The following SLC38A7 variants were observed in gnomAD, a reference collection of about 807,000 sequenced individuals.
The protein encoded by SLC38A7 is sodium-coupled neutral amino acid transporter 7.
SLC38A7 carries 29 observed loss-of-function variants against 50.1 expected under a neutral mutation model. The observed-to-expected ratio is 0.58, with a 90% CI of 0.43 to 0.79. The LOEUF is 0.79. Among genes scored for constraint, SLC38A7 ranks in the 30% least tolerant of loss-of-function variants. The pLI is 0.00. For synonymous variants in SLC38A7, 244 were observed against 245.9 expected (o/e 0.99, Z 0.07); for missense variants, 483 against 610.6 (o/e 0.79, Z 2.20).
In SLC38A7 at chr16:58,666,938, G is replaced by C. The variant is rs530243929; in HGVS notation, c.*447C>G. 3 of 181,224 alleles carry C rather than the reference G, an allele frequency of 1.7e-5. No individual in the cohort carries two copies. In the Admixed American group the frequency reaches 1.8e-4, roughly 11 times the overall value. The allele number at this position is 181,224 out of a possible 1,614,324, so 11.2% of individuals were successfully genotyped here. A position where few individuals can be genotyped will look rare whatever the true frequency, so the allele number is the denominator to read the frequency against. On this transcript the variant is annotated 3_prime_UTR_variant, in exon 12 of 12. Coordinates refer to ENST00000219320, the MANE Select transcript of SLC38A7 (RefSeq NM_018231.3). ...CAGTGCTACCGTTGGAAGTGGCCAG[G>C]CTCCTGAGGAAGCTACCACTGGCCT...
chr16:58,669,349 G>C (rs928599970), intron 11 of SLC38A7, among the ~76,000 whole-genome samples: 1 of 147,824 alleles, frequency 6.8e-6, no homozygotes, highest in African/African-American at 2.5e-5. Flanking sequence ...TCCTGACCTC[G>C]GGTGATCTGC....
At chr16:58,670,192 G>C (rs377523620) in intron 10 of SLC38A7, 25 bp from the exon 11 acceptor site, 26 of 1,613,192 alleles carry the variant, frequency 1.6e-5, no homozygotes, top group East Asian at 1.6e-4. Context: ...GTGGCCCTGA[G>C]CATTTGTGAG....
At chr16:58,680,732 C>T (rs1051662435) in intron 2 of SLC38A7, among the ~76,000 whole-genome samples, 9 of 152,208 alleles carry the variant, frequency 5.9e-5, no homozygotes, top group South Asian at 2.1e-4. Context: ...CAACATATTA[C>T]AGTCCAGCAC....
intron 2 of SLC38A7, among the ~76,000 whole-genome samples, chr16:58,681,223 A>G (rs4784967): frequency 0.15 from 23,003 of 152,156 alleles, 2,005 homozygotes; most frequent in African/African-American, 0.24. Flanking sequence ...TGAATCCCAG[A>G]GGGGATAACC....
chr16:58,682,620 C>G (rs2044414292), intron 2 of SLC38A7, among the ~76,000 whole-genome samples: 1 of 151,590 alleles, frequency 6.6e-6, no homozygotes, highest in Admixed American at 6.6e-5. Context: ...CCACCACAGC[C>G]AGCTAACTTT....
rs370638616 is a variant in SLC38A7 at position 58,678,935 on chromosome 16, G to A, written c.271-41C>T. 6.3e-7 allele frequency: 1 copy of A among 1,589,850 alleles called. No individual in the cohort carries two copies. Reference sequence around the variant, plus strand: ...GAACAAGAGCTTGTGGCAAAGGCCTGGCAGCAGAGGGCACCCTGGGCTCGC... The same window carrying A: ...GAACAAGAGCTTGTGGCAAAGGCCTAGCAGCAGAGGGCACCCTGGGCTCGC... On this transcript the variant is annotated intron_variant, in intron 3 of 11. Transcript: ENST00000219320. This position sits in a 1 kb window ranked among gnomAD's most constrained non-coding sequence, Gnocchi z 4.0.
At chr16:58,682,496 G>A (rs2044412864) in intron 2 of SLC38A7, among the ~76,000 whole-genome samples, 1 of 152,062 alleles carries the variant, frequency 6.6e-6, no homozygotes, top group African/African-American at 2.4e-5. Context: ...GTATCACTCT[G>A]TTGCCCAGGC....
chr16:58,669,970 G>A (rs1256113118), intron 11 of SLC38A7, 143 bp downstream of exon 11: 13 of 703,268 alleles, frequency 1.8e-5, no homozygotes, highest in East Asian at 1.2e-4. Context: ...GCGAGACTCC[G>A]GCTCAAAAAA....
intron 3 of SLC38A7, chr16:58,679,637 T>C (rs1318801475): frequency 6.9e-6 from 4 of 577,724 alleles, no homozygotes; most frequent in African/African-American, 1.9e-5. Context: ...AAATTAGAGA[T>C]GTAATTGATG....
At position 58,675,948 on chromosome 16, in the gene SLC38A7, A is replaced by G; in HGVS notation, c.875T>C (p.Met292Thr). 2 of 1,610,648 alleles carry G rather than the reference A, an allele frequency of 1.2e-6. No homozygotes were observed. Among genetic ancestry groups the G allele is most frequent in the Non-Finnish European group, 8.5e-7 (1 of 1,178,404 alleles). ...AAMVIALAVYMGTGICGFLTF... is the reference protein window; with the variant it reads ...AAMVIALAVYTGTGICGFLTF... ...GGGGGGGGAGCACTCACCTGTCCCC[A>G]TGTAGACAGCGAGGGCTATGACCAT... Residue 292 changes from methionine (M) to threonine (T), a missense_variant, in exon 8 of 12, where the codon ATG (methionine) becomes ACG (threonine). Physicochemically the swap from Met to Thr is moderately conservative, Grantham distance 81 (BLOSUM62 -1). Coordinates refer to ENST00000219320, the MANE Select transcript of SLC38A7 (RefSeq NM_018231.3).
At chr16:58,669,378 G>C (rs1366347547) in intron 11 of SLC38A7, among the ~76,000 whole-genome samples, 2 of 152,010 alleles carry the variant, frequency 1.3e-5, no homozygotes, top group African/African-American at 4.8e-5. Flanking sequence ...GCCTCCCAAA[G>C]TGCTGGGATT....
intron 8 of SLC38A7, among the ~76,000 whole-genome samples, chr16:58,674,697 C>T (rs1271263391): frequency 6.6e-6 from 1 of 151,968 alleles, no homozygotes; most frequent in African/African-American, 2.4e-5. Context: ...TTTCTGTCTC[C>T]CCAGCCAGGA....
chr16:58,682,724 C>T (rs183779642), intron 2 of SLC38A7, among the ~76,000 whole-genome samples: 5 of 152,134 alleles, frequency 3.3e-5, no homozygotes, highest in East Asian at 1.9e-4. Flanking sequence ...CTCTGCCTCC[C>T]GGGTTCAAGA....
chr16:58,680,833 C>T (rs2044374453), intron 2 of SLC38A7, among the ~76,000 whole-genome samples: 1 of 152,186 alleles, frequency 6.6e-6, no homozygotes, highest in Non-Finnish European at 1.5e-5. Context: ...TGTGACAAGC[C>T]CCCATGCCTG....
intron 7 of SLC38A7, 53 bp downstream of exon 7, chr16:58,676,236 C>T: frequency 1.2e-6 from 2 of 1,612,792 alleles, no homozygotes; most frequent in Non-Finnish European, 1.7e-6. Context: ...GGTTCCATCC[C>T]AGGGTGGGGT....
intron 11 of SLC38A7, among the ~76,000 whole-genome samples, chr16:58,669,907 G>A (rs536005643): frequency 7.2e-4 from 109 of 151,870 alleles, no homozygotes; most frequent in African/African-American, 2.5e-3. Context: ...CCCAGGAGGC[G>A]GAGCTTGCAG....
chr16:58,680,240 A>C lies in SLC38A7; in HGVS notation c.-114T>G. ...GGCTGTTAGCTTAGGACTCTTCTCA[A>C]CCTAGATGGGACAAAGGCAGGCACT... On this transcript the variant is annotated splice_region_variant and 5_prime_UTR_variant, in exon 3 of 12. Transcript: ENST00000219320. 1 of 1,223,566 alleles carries C rather than the reference A, an allele frequency of 8.2e-7. No individual in the cohort carries two copies. 75.8% of individuals were successfully genotyped at this position (1,223,566 alleles called of 1,614,324 possible).
chr16:58,666,987 T>G lies in SLC38A7; in HGVS notation c.*398A>C, dbSNP rs964135080. The G allele has an allele frequency of 1.9e-4, 46 of 237,172 alleles. No individual in the cohort carries two copies. Among genetic ancestry groups the G allele is most frequent in the African/African-American group, 7.3e-4 (33 of 44,906 alleles). The allele number at this position is 237,172 out of a possible 1,614,324, so 14.7% of individuals were successfully genotyped here. ...CTGGGGTAATGAGCACAACCCCTAC[T>G]CAGGACAGGGTGCTCTGTGGAGGAT... On this transcript the variant is annotated 3_prime_UTR_variant, in exon 12 of 12. Transcript: ENST00000219320.
intron 11 of SLC38A7, among the ~76,000 whole-genome samples, chr16:58,667,933 G>T (rs2044074243): frequency 6.6e-6 from 1 of 152,210 alleles, no homozygotes; most frequent in African/African-American, 2.4e-5. Flanking sequence ...ACTTTGGGAG[G>T]CCAAGGCGGG....
Sources: gnomAD v4.1 joint callset for allele counts (sites outside exome capture counted in the v4.1 genomes callset) on GRCh38, gnomAD v4.1.1 for gene constraint, Gnocchi (gnomAD v3.1) non-coding constraint, MANE v1.5 for transcripts, NCBI Gene and HGNC (gene_info 2026-07-23, HGNC 2026-07-21) for gene names.